Variants in AAK1 observed in about 807,000 individuals in gnomAD.
AAK1 encodes the protein AP2-associated protein kinase 1.
A neutral mutation model predicts 116.0 loss-of-function variants in AAK1; 37 were observed. That is an observed-to-expected ratio of 0.32 (90% CI 0.25 to 0.42). The LOEUF (loss-of-function observed/expected upper bound fraction) is 0.42. Among genes scored for constraint, AAK1 ranks in the 10% least tolerant of loss-of-function variants. The probability of loss-of-function intolerance (pLI) is 1.00; values close to 1 mark genes in which losing one functional copy is unlikely to be tolerated. For synonymous variants in AAK1, 458 were observed against 439.9 expected (o/e 1.04, Z -0.51); for missense variants, 919 against 1,170.6 (o/e 0.79, Z 3.14).
chr2:69,602,227 A>C (rs1056860655), intron 2 of AAK1, among the ~76,000 whole-genome samples: 3 of 152,258 alleles, frequency 2.0e-5, no homozygotes, highest in Admixed American at 2.0e-4. Flanking sequence ...ATCCCAGATT[A>C]AATCCTGAAC....
intron 2 of AAK1, among the ~76,000 whole-genome samples, chr2:69,622,736 T>C (rs957035873): frequency 1.7e-4 from 26 of 152,168 alleles, no homozygotes; most frequent in African/African-American, 6.3e-4. Context: ...GCACTCTGTA[T>C]CTAGCTCAAG....
chr2:69,539,345 T>C (rs906702586), intron 5 of AAK1, among the ~76,000 whole-genome samples: 1 of 152,112 alleles, frequency 6.6e-6, no homozygotes, highest in Non-Finnish European at 1.5e-5. Context: ...TCAGTATGAG[T>C]CACACGGTGG....
At chr2:69,598,758 C>T (rs979077706) in intron 2 of AAK1, 6 of 181,392 alleles carry the variant, frequency 3.3e-5, no homozygotes, top group Middle Eastern at 2.0e-3. Flanking sequence ...TGAGCTCAAG[C>T]GATCCACTTG....
chr2:69,599,042 G>C (rs1050466027), intron 2 of AAK1: 2 of 277,314 alleles, frequency 7.2e-6, no homozygotes, highest in Admixed American at 8.7e-5. Flanking sequence ...AGGTCCGTGT[G>C]CTAGCTTACA....
chr2:69,488,142 G>A (rs1031130186), intron 17 of AAK1, among the ~76,000 whole-genome samples: 2 of 132,412 alleles, frequency 1.5e-5, no homozygotes, highest in African/African-American at 5.8e-5. Flanking sequence ...AAACGTGTGT[G>A]TGTGGACGTG....
chr2:69,635,917 G>T (rs985064411), intron 2 of AAK1, among the ~76,000 whole-genome samples: 1 of 152,122 alleles, frequency 6.6e-6, no homozygotes, highest in African/African-American at 2.4e-5. Flanking sequence ...ATTTAAAAAT[G>T]ATTAAGATAA....
chr2:69,593,268 G>C (rs1261579821), intron 2 of AAK1, among the ~76,000 whole-genome samples: 2 of 152,024 alleles, frequency 1.3e-5, no homozygotes, highest in Non-Finnish European at 2.9e-5. Flanking sequence ...TTAGCACTAG[G>C]AAATTGACTA....
At chr2:69,605,029 C>T (rs762742237) in intron 2 of AAK1, among the ~76,000 whole-genome samples, 7 of 152,170 alleles carry the variant, frequency 4.6e-5, no homozygotes, top group African/African-American at 7.2e-5. Context: ...TCAATTCCTC[C>T]TAGCACTAAT....
At chr2:69,482,839 A>C (rs902430440) in intron 17 of AAK1, 27 bp from the exon 18 acceptor site, 3 of 1,466,324 alleles carry the variant, frequency 2.0e-6, no homozygotes, top group Admixed American at 1.7e-5. Context: ...GACAAAAAGA[A>C]AGCAAAAATG....
rs1389389334 is a variant in AAK1 at position 69,466,325 on chromosome 2, G to C, written c.*9544C>G. 2.3e-6 allele frequency: 3 copies of C among 1,289,826 alleles called. No homozygotes were observed. The highest frequency in any genetic ancestry group is 2.5e-5 in the South Asian group (2 of 81,024). The allele number at this position is 1,289,826 out of a possible 1,614,324, so 79.9% of individuals were successfully genotyped here. On this transcript the variant is annotated 3_prime_UTR_variant, in exon 22 of 22. Coordinates refer to ENST00000409085, the MANE Select transcript of AAK1 (RefSeq NM_014911.5). ...TAAGGAGAGGCCGAGACCCACTGCA[G>C]TCCAGCATGTCTCCTTCAAGGTCAG...
intron 17 of AAK1, among the ~76,000 whole-genome samples, chr2:69,490,941 A>G (rs1675497703): frequency 6.6e-6 from 1 of 151,576 alleles, no homozygotes; most frequent in South Asian, 2.1e-4. Flanking sequence ...ACACACACAC[A>G]CACACTTTTT....
At chr2:69,535,658 T>C (rs1340206397) in intron 5 of AAK1, among the ~76,000 whole-genome samples, 3 of 151,740 alleles carry the variant, frequency 2.0e-5, no homozygotes, top group Non-Finnish European at 4.4e-5. Context: ...ATGTGCCATA[T>C]GGGGAAAGAG....
chr2:69,549,306 T>C (rs1401198992), intron 3 of AAK1, among the ~76,000 whole-genome samples: 1 of 152,008 alleles, frequency 6.6e-6, no homozygotes, highest in Non-Finnish European at 1.5e-5. Flanking sequence ...GAGGTGGAGG[T>C]TGCAGTGAGC....
At chr2:69,553,435 T>G (rs1339181509) in intron 3 of AAK1, among the ~76,000 whole-genome samples, 1 of 128,386 alleles carries the variant, frequency 7.8e-6, no homozygotes, top group Non-Finnish European at 1.6e-5. Context: ...GAATTGAAAG[T>G]TGTTTTTTTT....
intron 17 of AAK1, among the ~76,000 whole-genome samples, chr2:69,494,010 C>G (rs1000485858): frequency 6.6e-6 from 1 of 152,180 alleles, no homozygotes; most frequent in Non-Finnish European, 1.5e-5. Flanking sequence ...TTTATGCCCC[C>G]TCAGTGATAT....
At chr2:69,586,848 C>CA (rs1218965806) in intron 2 of AAK1, among the ~76,000 whole-genome samples, 1 of 152,122 alleles carries the variant, frequency 6.6e-6, no homozygotes, top group Non-Finnish European at 1.5e-5. Flanking sequence ...TACTGAGATT[C>CA]AAAATCCTTA....
At chr2:69,610,596 T>C (rs993156211) in intron 2 of AAK1, among the ~76,000 whole-genome samples, 3 of 152,350 alleles carry the variant, frequency 2.0e-5, no homozygotes, top group Admixed American at 6.5e-5. Flanking sequence ...ATACTGTATT[T>C]ATAAATCATA....
chr2:69,546,630 G>A (rs988736275), intron 3 of AAK1, among the ~76,000 whole-genome samples: 1 of 152,138 alleles, frequency 6.6e-6, no homozygotes, highest in Non-Finnish European at 1.5e-5. Context: ...AAAGCATCTG[G>A]AAAAAAGCAA....
Position 69,643,240 on chromosome 2 carries a change from T to C in AAK1, c.-200A>G. On this transcript the variant is annotated 5_prime_UTR_variant, in exon 2 of 22. Coordinates refer to ENST00000409085, the MANE Select transcript of AAK1 (RefSeq NM_014911.5). ...CGTGTCAATCGCGCAGCGGGTCCCC[T>C]CCTCCTCCAGAAAGCGATTCGTGTA... is the stretch of plus-strand genomic sequence containing the variant. The C allele has an allele frequency of 7.1e-7, 1 of 1,406,534 alleles. No individual in the cohort carries two copies. Among genetic ancestry groups the C allele is most frequent in the Non-Finnish European group, 9.2e-7 (1 of 1,087,558 alleles). The allele number at this position is 1,406,534 out of a possible 1,614,324, so 87.1% of individuals were successfully genotyped here.
Sources: gnomAD v4.1 joint callset for allele counts (sites outside exome capture counted in the v4.1 genomes callset) on GRCh38, gnomAD v4.1.1 for gene constraint, MANE v1.5 for transcripts, NCBI Gene and HGNC (gene_info 2026-07-23, HGNC 2026-07-21) for gene names.